The following CLTB variants were observed in gnomAD, a reference collection of about 807,000 sequenced individuals.
The protein encoded by CLTB is clathrin, light chain (Lcb).
A neutral mutation model predicts 30.5 loss-of-function variants in CLTB; 10 were observed. That is an observed-to-expected ratio of 0.33 (90% CI 0.20 to 0.56). The LOEUF is 0.56. CLTB is among the 20% of genes least tolerant of loss of function. CLTB has a pLI of 0.91. For synonymous variants in CLTB, 102 were observed against 120.3 expected, an observed-to-expected ratio of 0.85 and a Z score of 1.00; for missense variants, 261 against 308.3, an observed-to-expected ratio of 0.85 and a Z score of 1.15.
At chr5:176,404,695 T>G (rs1261123590) in intron 2 of CLTB, among the ~76,000 whole-genome samples, 3 of 152,182 alleles carry the variant, frequency 2.0e-5, no homozygotes, top group African/African-American at 7.2e-5. Flanking sequence ...ACTGATGCAC[T>G]CTAGTGGGGG....
At chr5:176,412,231 G>A (rs115661367) in intron 1 of CLTB, among the ~76,000 whole-genome samples, 2,920 of 151,074 alleles carry the variant, frequency 0.019, 45 homozygotes, top group Non-Finnish European at 0.027. Flanking sequence ...CCAAGGTCCA[G>A]CTCATAAGTC....
rs572058631 is a variant in CLTB, at chr5:176,392,615, C to T, written c.*159G>A. On this transcript the variant is annotated 3_prime_UTR_variant, in exon 6 of 6. Transcript: ENST00000310418. The surrounding 1 kb of genome is among the most constrained non-coding windows in gnomAD (Gnocchi z 5.2). ...ACCAGAGGGCCAGGAGGGAGCGAGGCGTGATGGGGTGAGGGCCCCCCTCCC... is the reference window on the plus strand; with the variant it reads ...ACCAGAGGGCCAGGAGGGAGCGAGGTGTGATGGGGTGAGGGCCCCCCTCCC... The T allele has an allele frequency of 1.3e-4, 96 of 734,988 alleles. 1 individual carries two copies. Among genetic ancestry groups the T allele is most frequent in the Admixed American group, 8.6e-4 (33 of 38,242 alleles). The allele number at this position is 734,988 out of a possible 1,614,324, so 45.5% of individuals were successfully genotyped here.
intron 2 of CLTB, chr5:176,401,745 T>G (rs542468395): frequency 4.4e-6 from 2 of 456,278 alleles, no homozygotes; most frequent in Non-Finnish European, 8.8e-6. Context: ...TTCCAGATGT[T>G]AAAATGAAAA....
chr5:176,410,637 C>A (rs1757376709), intron 1 of CLTB, among the ~76,000 whole-genome samples: 1 of 152,204 alleles, frequency 6.6e-6, no homozygotes, highest in Non-Finnish European at 1.5e-5. Flanking sequence ...CCTGAAATCA[C>A]TGACCCCTGG....
chr5:176,406,614 C>G (rs1581439984), intron 2 of CLTB: 3 of 1,289,394 alleles, frequency 2.3e-6, no homozygotes, highest in Non-Finnish European at 3.0e-6. Context: ...CTGCCCCTGG[C>G]TGTGCCAAAT....
Position 176,393,597 on chromosome 5 carries a change from G to C in CLTB, c.519-652C>G, listed in dbSNP as rs1756355558. 1.3e-5 allele frequency among the ~76,000 whole-genome samples: 2 copies of C among 152,136 alleles called. No homozygotes were observed. The highest frequency in any genetic ancestry group is 4.8e-5 in the African/African-American group (2 of 41,442). On this transcript the variant is annotated intron_variant, in intron 5 of 5. Coordinates refer to ENST00000310418, the MANE Select transcript of CLTB (RefSeq NM_007097.5). This position sits in a 1 kb window ranked among gnomAD's most constrained non-coding sequence, Gnocchi z 4.4. ...TGATGGAATCCACCACATCCCAAGC[G>C]TCTTTCACCACAGAGCCCTTTGTAG...
intron 2 of CLTB, among the ~76,000 whole-genome samples, chr5:176,399,934 G>T (rs867956227): frequency 3.3e-5 from 5 of 150,736 alleles, no homozygotes; most frequent in South Asian, 2.1e-4. Context: ...ACTCACACCT[G>T]TAATCCCAGC....
intron 1 of CLTB, among the ~76,000 whole-genome samples, chr5:176,412,423 G>C (rs1757490538): frequency 1.3e-5 from 2 of 152,168 alleles, no homozygotes; most frequent in Non-Finnish European, 2.9e-5. Context: ...GCTCCTCAGG[G>C]CTCCAGCACG....
At chr5:176,399,870 T>C (rs1438727068) in intron 2 of CLTB, among the ~76,000 whole-genome samples, 14 of 140,540 alleles carry the variant, frequency 1.0e-4, no homozygotes, top group African/African-American at 3.7e-4. Context: ...AGAGTGAGAC[T>C]TGGTCTCAAA....
At chr5:176,404,238 C>G (rs748194700) in intron 2 of CLTB, among the ~76,000 whole-genome samples, 13 of 152,218 alleles carry the variant, frequency 8.5e-5, no homozygotes, top group Non-Finnish European at 1.6e-4. Context: ...TTGTCTTCCT[C>G]TCAAGACAAG....
chr5:176,408,964 T>A (rs889475377), intron 2 of CLTB, among the ~76,000 whole-genome samples: 1 of 152,164 alleles, frequency 6.6e-6, no homozygotes, highest in African/African-American at 2.4e-5. Context: ...CTTTCAGATA[T>A]GTAGTGCAAA....
chr5:176,398,081 A>T lies in CLTB; in HGVS notation c.235-34T>A, dbSNP rs562249986. On this transcript the variant is annotated intron_variant, in intron 2 of 5. Coordinates refer to ENST00000310418, the MANE Select transcript of CLTB (RefSeq NM_007097.5). The stretch of plus-strand genomic sequence containing the variant: ...CAAACACGCAGCAGTCTATCCAGCC[A>T]GCACACCTGCCCCGCTGTCTCTGCT... 3.1e-6 allele frequency: 5 copies of T among 1,589,814 alleles called. No homozygotes were observed. The East Asian group carries it at 6.7e-5, about 21-fold the overall frequency.
At chr5:176,398,636 C>T (rs1283392700) in intron 2 of CLTB, among the ~76,000 whole-genome samples, 6 of 151,240 alleles carry the variant, frequency 4.0e-5, no homozygotes, top group Admixed American at 2.0e-4. Flanking sequence ...CACTTGAACC[C>T]GGGAGGCAGA....
chr5:176,403,084 C>T (rs1581434817), intron 2 of CLTB, among the ~76,000 whole-genome samples: 1 of 146,334 alleles, frequency 6.8e-6, no homozygotes, highest in East Asian at 2.0e-4. Flanking sequence ...GAGTCTCGCT[C>T]TGTCGCCCAG....
In CLTB at chr5:176,416,352, GTCAT is replaced by G; in HGVS notation, c.8_11del (p.Asp3AlafsTer35). 6.3e-7 allele frequency: 1 copy of G among 1,596,760 alleles called. No individual in the cohort carries two copies. Among genetic ancestry groups the G allele is most frequent in the Non-Finnish European group, 8.5e-7 (1 of 1,173,948 alleles). ...TCTCCGACGACGAGAAGAAGCCAAA[GTCAT>G]CAGCCATTTTCCCCGCGCCTCCGCC... On this transcript the variant is annotated frameshift_variant, in exon 1 of 6. Transcript: ENST00000310418. LOFTEE classifies it high-confidence loss of function.
intron 5 of CLTB, 109 bp downstream of exon 5, chr5:176,396,370 C>G: frequency 9.8e-7 from 1 of 1,022,532 alleles, no homozygotes; most frequent in Middle Eastern, 2.0e-4. Flanking sequence ...CTGACCATTG[C>G]TCCGAGCCCA....
chr5:176,393,942 AC>A lies in CLTB; in HGVS notation c.519-998del, dbSNP rs532709121. 1.6e-4 allele frequency among the ~76,000 whole-genome samples: 24 copies of A among 152,252 alleles called. No individual in the cohort carries two copies. In the East Asian group the frequency reaches 4.1e-3, roughly 26 times the overall value. ...AAGCCCCCTCTCCATCTCAAGCAGGACCAGTTCTGCCGATGCCAGACATGAC... is the reference window on the plus strand; with the variant it reads ...AAGCCCCCTCTCCATCTCAAGCAGGACAGTTCTGCCGATGCCAGACATGAC... On this transcript the variant is annotated intron_variant, in intron 5 of 5. Transcript: ENST00000310418. The surrounding 1 kb of genome is among the most constrained non-coding windows in gnomAD (Gnocchi z 4.4).
chr5:176,415,208 A>G (rs1757633956), intron 1 of CLTB, among the ~76,000 whole-genome samples: 1 of 152,230 alleles, frequency 6.6e-6, no homozygotes. Flanking sequence ...ATCACAGTAA[A>G]TCATAATAGC....
intron 1 of CLTB, among the ~76,000 whole-genome samples, chr5:176,414,504 A>G (rs1339949331): frequency 6.8e-6 from 1 of 146,632 alleles, no homozygotes; most frequent in East Asian, 2.0e-4. Context: ...TGATCACAGC[A>G]CACGGCGACC....
Sources: allele counts gnomAD v4.1 joint callset (sites outside exome capture counted in the v4.1 genomes callset), GRCh38; gene constraint gnomAD v4.1.1; non-coding constraint Gnocchi (gnomAD v3.1); transcripts MANE v1.5; gene names NCBI Gene and HGNC (gene_info 2026-07-23, HGNC 2026-07-21).